Variants in ADGRB3 observed in about 807,000 individuals in gnomAD.
The protein encoded by ADGRB3 is adhesion G protein-coupled receptor B3.
ADGRB3 carries 37 observed loss-of-function variants against 193.4 expected under a neutral mutation model. The observed-to-expected ratio is 0.19, with a 90% CI of 0.15 to 0.25. The LOEUF is 0.25. ADGRB3 is among the 10% of genes least tolerant of loss of function. The pLI is 1.00. For missense variants in ADGRB3, 1,637 were observed against 1,852.9 expected (o/e 0.88, Z 2.14); for synonymous variants, 690 against 644.2 (o/e 1.07, Z -1.08).
At chr6:68,821,154 A>C (rs1052631242) in intron 3 of ADGRB3, among the ~76,000 whole-genome samples, 3 of 152,070 alleles carry the variant, frequency 2.0e-5, no homozygotes, top group Admixed American at 6.6e-5. Flanking sequence ...GACATAGAAA[A>C]TACTTTATAA....
intron 4 of ADGRB3, 110 bp downstream of exon 4, chr6:68,930,779 T>C: frequency 1.2e-6 from 1 of 860,228 alleles, no homozygotes; most frequent in Non-Finnish European, 1.7e-6. Flanking sequence ...CTGATATTTT[T>C]TCGAGCCATT....
intron 3 of ADGRB3, among the ~76,000 whole-genome samples, chr6:68,661,192 T>C (rs1042622275): frequency 6.7e-6 from 1 of 149,200 alleles, no homozygotes; most frequent in Admixed American, 6.8e-5. Flanking sequence ...TCAGAGCCAC[T>C]GAATATAAAT....
intron 3 of ADGRB3, among the ~76,000 whole-genome samples, chr6:68,765,488 T>C (rs1288279935): frequency 6.6e-6 from 1 of 151,738 alleles, no homozygotes; most frequent in African/African-American, 2.4e-5. Flanking sequence ...TTTTTCTAAA[T>C]TTAGATCATC....
chr6:68,924,025 G>T (rs1359157436), intron 3 of ADGRB3, among the ~76,000 whole-genome samples: 1 of 152,020 alleles, frequency 6.6e-6, no homozygotes, highest in Admixed American at 6.5e-5. Flanking sequence ...ATTAAGGTCT[G>T]AAACAAATCG....
chr6:69,381,712 A>G (rs1769950204), intron 30 of ADGRB3, among the ~76,000 whole-genome samples: 1 of 151,936 alleles, frequency 6.6e-6, no homozygotes, highest in Non-Finnish European at 1.5e-5. Flanking sequence ...TTCTTTTTCA[A>G]AACAAATCCT....
At chr6:68,691,858 A>ATG (rs1227078356) in intron 3 of ADGRB3, among the ~76,000 whole-genome samples, 1 of 150,688 alleles carries the variant, frequency 6.6e-6, no homozygotes, top group East Asian at 2.0e-4. Context: ...ATATATATAT[A>ATG]TATGTATGTA....
chr6:69,292,105 A>G (rs1018390625), intron 20 of ADGRB3, among the ~76,000 whole-genome samples: 3 of 152,190 alleles, frequency 2.0e-5, no homozygotes, highest in African/African-American at 7.2e-5. Flanking sequence ...ATAAAAATCT[A>G]TAGGTTTAAC....
Position 68,738,096 on chromosome 6 carries a change from G to A in ADGRB3, c.757+98664G>A, listed in dbSNP as rs182613211. ...CAAAGATCTGAAAGGGAATAAGGAT[G>A]AGCCATGCTAATGTTTTGGGATAAG... On this transcript the variant is annotated intron_variant, in intron 3 of 31. Transcript: ENST00000370598. Among the ~76,000 whole-genome samples the A allele has an allele frequency of 2.9e-4, 44 of 152,284 alleles. No homozygotes were observed. The East Asian group carries it at 7.6e-3, about 26-fold the overall frequency.
intron 16 of ADGRB3, among the ~76,000 whole-genome samples, chr6:69,063,599 G>C (rs1426746713): frequency 1.3e-5 from 2 of 152,010 alleles, no homozygotes. Flanking sequence ...GGAAGGGGGT[G>C]CTGGGTGGAG....
chr6:68,898,972 T>TA (rs1766319069), intron 3 of ADGRB3, among the ~76,000 whole-genome samples: 1 of 152,158 alleles, frequency 6.6e-6, no homozygotes. Flanking sequence ...TTTATTGAGA[T>TA]ATTAGAACAG....
intron 20 of ADGRB3, among the ~76,000 whole-genome samples, chr6:69,264,155 A>G (rs949622275): frequency 3.3e-5 from 5 of 151,984 alleles, no homozygotes; most frequent in African/African-American, 4.8e-5. Context: ...TCCAATTAAA[A>G]TTTCTTGAAA....
intron 3 of ADGRB3, among the ~76,000 whole-genome samples, chr6:68,684,689 A>G (rs1764951543): frequency 6.6e-6 from 1 of 152,074 alleles, no homozygotes; most frequent in Non-Finnish European, 1.5e-5. Flanking sequence ...TGTAGGGAAA[A>G]TTTCCAGAGA....
intron 13 of ADGRB3, among the ~76,000 whole-genome samples, chr6:69,024,028 T>C (rs1022986749): frequency 6.6e-6 from 1 of 151,888 alleles, no homozygotes; most frequent in African/African-American, 2.4e-5. Flanking sequence ...ATTAGAGGAG[T>C]CAAATCTATA....
chr6:69,116,471 A>G (rs184165141), intron 17 of ADGRB3, among the ~76,000 whole-genome samples: 294 of 152,308 alleles, frequency 1.9e-3, no homozygotes, highest in African/African-American at 6.8e-3. Flanking sequence ...AGGAGATTGG[A>G]CATGAAAGTT....
intron 26 of ADGRB3, among the ~76,000 whole-genome samples, chr6:69,339,856 C>A (rs1768939162): frequency 6.6e-6 from 1 of 152,190 alleles, no homozygotes; most frequent in South Asian, 2.1e-4. Context: ...TTTAAAGACA[C>A]AGTTCATGAG....
intron 20 of ADGRB3, among the ~76,000 whole-genome samples, chr6:69,316,732 G>C (rs572270142): frequency 6.6e-6 from 1 of 151,546 alleles, no homozygotes; most frequent in South Asian, 2.1e-4. Context: ...GATGCTAGAC[G>C]GCAAGAAGAA....
intron 20 of ADGRB3, among the ~76,000 whole-genome samples, chr6:69,253,169 C>A (rs1295978293): frequency 6.6e-6 from 1 of 151,998 alleles, no homozygotes; most frequent in Non-Finnish European, 1.5e-5. Flanking sequence ...ATGCCATAAT[C>A]TTTACTACTA....
chr6:69,272,912 T>G (rs1767211913), intron 20 of ADGRB3, among the ~76,000 whole-genome samples: 1 of 152,174 alleles, frequency 6.6e-6, no homozygotes, highest in Non-Finnish European at 1.5e-5. Flanking sequence ...TTGTTTTGTT[T>G]TGTTTGAGAT....
At chr6:68,735,030 G>GA (rs1224466970) in intron 3 of ADGRB3, among the ~76,000 whole-genome samples, 1 of 151,906 alleles carries the variant, frequency 6.6e-6, no homozygotes, top group African/African-American at 2.4e-5. Flanking sequence ...AAAGATTGAA[G>GA]AAAATTTCTA....
Sources: allele counts gnomAD v4.1 joint callset (sites outside exome capture counted in the v4.1 genomes callset), GRCh38; gene constraint gnomAD v4.1.1; transcripts MANE v1.5; gene names NCBI Gene and HGNC (gene_info 2026-07-23, HGNC 2026-07-21).